Variants in TSPAN9 observed in about 807,000 individuals in gnomAD.
TSPAN9 encodes tetraspanin-9.
A neutral mutation model predicts 31.0 loss-of-function variants in TSPAN9; 16 were observed. The observed-to-expected ratio is 0.52, with a 90% CI of 0.35 to 0.78. The LOEUF (loss-of-function observed/expected upper bound fraction) is 0.78. Ranked by LOEUF, TSPAN9 falls within the 30% of genes least tolerant of loss-of-function variation. The pLI is 0.01. For missense variants in TSPAN9, 272 were observed against 312.5 expected (o/e 0.87, Z 0.98); for synonymous variants, 145 against 121.6 (o/e 1.19, Z -1.27).
intron 3 of TSPAN9, among the ~76,000 whole-genome samples, chr12:3,203,652 A>G (rs892236908): frequency 3.3e-5 from 5 of 152,216 alleles, no homozygotes; most frequent in African/African-American, 1.2e-4. Flanking sequence ...CAGAATTCCC[A>G]TGACATGCTG....
At chr12:3,181,648 C>G (rs532968487) in intron 2 of TSPAN9, among the ~76,000 whole-genome samples, 1 of 152,182 alleles carries the variant, frequency 6.6e-6, no homozygotes, top group East Asian at 1.9e-4. Context: ...GGGCTTTATG[C>G]CCCATGAAGC....
In TSPAN9 at chr12:3,105,819, C is replaced by T. The variant is rs538050779; in HGVS notation, c.-18+22100C>T. Reference sequence around the variant, plus strand: ...ACGCACACATGCGCACACACGCACACGCGCACACACACTTTCATACACACG... The same window carrying T: ...ACGCACACATGCGCACACACGCACATGCGCACACACACTTTCATACACACG... On this transcript the variant is annotated intron_variant, in intron 2 of 8. Transcript: ENST00000011898. Among the ~76,000 whole-genome samples the T allele has an allele frequency of 2.6e-4, 39 of 150,600 alleles. No homozygotes were observed. In the South Asian group the frequency reaches 7.4e-3, roughly 29 times the overall value.
intron 3 of TSPAN9, among the ~76,000 whole-genome samples, chr12:3,207,417 A>G (rs1401953378): frequency 6.6e-6 from 1 of 152,120 alleles, no homozygotes; most frequent in Non-Finnish European, 1.5e-5. Flanking sequence ...CTCTGCTCAC[A>G]TTTGAAAGCT....
At position 3,284,195 on chromosome 12, in the gene TSPAN9, C is replaced by T. The variant is rs1165090448; in HGVS notation, c.*1079C>T. ...CTGCACACCCCAGTTATTTCACAGA[C>T]ATTCCTGCTAGAAACTGTCAGACAA... On this transcript the variant is annotated 3_prime_UTR_variant, in exon 9 of 9. Transcript: ENST00000011898. The T allele has an allele frequency of 6.5e-6, 1 of 152,702 alleles. No individual in the cohort carries two copies. 9.5% of individuals were successfully genotyped at this position (152,702 alleles called of 1,614,324 possible). A position where few individuals can be genotyped will look rare whatever the true frequency, so the allele number is the denominator to read the frequency against.
At chr12:3,136,903 G>A (rs181356794) in intron 2 of TSPAN9, among the ~76,000 whole-genome samples, 1 of 152,336 alleles carries the variant, frequency 6.6e-6, no homozygotes, top group Non-Finnish European at 1.5e-5. Flanking sequence ...CCCCCACTGT[G>A]CACTGTGGAG....
chr12:3,202,321 C>T (rs1404946400), intron 3 of TSPAN9, among the ~76,000 whole-genome samples: 1 of 152,182 alleles, frequency 6.6e-6, no homozygotes, highest in African/African-American at 2.4e-5. Flanking sequence ...CCAGGAGGAG[C>T]ACTGGGGGCA....
chr12:3,202,629 T>TA lies in TSPAN9; in HGVS notation c.63+1374dup, dbSNP rs550336240. Among the ~76,000 whole-genome samples, 6 of 152,212 alleles carry TA rather than the reference T, an allele frequency of 3.9e-5. No homozygotes were observed. In the South Asian group the frequency reaches 1.2e-3, roughly 32 times the overall value. ...CCCTGCTTGTCCTCACGTCACTAGTTACATGCCATCTGGGGTGGGGGCAGG... is the reference window on the plus strand; with the variant it reads ...CCCTGCTTGTCCTCACGTCACTAGTTAACATGCCATCTGGGGTGGGGGCAGG... On this transcript the variant is annotated intron_variant, in intron 3 of 8. Coordinates refer to ENST00000011898, the MANE Select transcript of TSPAN9 (RefSeq NM_006675.5).
chr12:3,255,343 G>T (rs577224540), intron 3 of TSPAN9, among the ~76,000 whole-genome samples: 1 of 152,308 alleles, frequency 6.6e-6, no homozygotes, highest in East Asian at 1.9e-4. Flanking sequence ...GGCTGACCTG[G>T]GTTTGAATCT....
intron 2 of TSPAN9, among the ~76,000 whole-genome samples, chr12:3,142,185 C>A (rs898245833): frequency 6.6e-5 from 10 of 152,166 alleles, no homozygotes; most frequent in Admixed American, 3.3e-4. Context: ...GGTGACGCTG[C>A]TGGGCCCAGA....
chr12:3,168,808 T>C lies in TSPAN9; in HGVS notation c.-17-32369T>C, dbSNP rs2098350084. Among the ~76,000 whole-genome samples, 1 of 152,164 alleles carries C rather than the reference T, an allele frequency of 6.6e-6. No individual in the cohort carries two copies. Among genetic ancestry groups the C allele is most frequent in the South Asian group, 2.1e-4 (1 of 4,834 alleles). ...TGTGTCTCCACCATAAAGTACTCGT[T>C]GAGTAAATGAATGAATCAGATGCGC... On this transcript the variant is annotated intron_variant, in intron 2 of 8. Transcript: ENST00000011898. This position sits in a 1 kb window ranked among gnomAD's most constrained non-coding sequence, Gnocchi z 4.0.
intron 3 of TSPAN9, among the ~76,000 whole-genome samples, chr12:3,271,250 A>G (rs73256343): frequency 0.014 from 2,106 of 152,340 alleles, 54 homozygotes; most frequent in African/African-American, 0.048. Context: ...CCAAGGAATC[A>G]TGCCATCTGG....
intron 2 of TSPAN9, among the ~76,000 whole-genome samples, chr12:3,090,626 C>T (rs1019057928): frequency 9.9e-5 from 15 of 152,244 alleles, no homozygotes; most frequent in African/African-American, 3.6e-4. Context: ...ATGGGACCAG[C>T]AGAACTCCAG....
chr12:3,263,366 A>T (rs114664035), intron 3 of TSPAN9, among the ~76,000 whole-genome samples: 2 of 152,192 alleles, frequency 1.3e-5, no homozygotes, highest in Non-Finnish European at 2.9e-5. Flanking sequence ...GCTTCATGAC[A>T]TCGCTTCGTC....
chr12:3,093,298 C>G (rs1489739177), intron 2 of TSPAN9, among the ~76,000 whole-genome samples: 1 of 152,150 alleles, frequency 6.6e-6, no homozygotes, highest in African/African-American at 2.4e-5. Context: ...CTTTGGGGGC[C>G]AGGCGTGGGG....
chr12:3,104,509 C>T (rs777151738), intron 2 of TSPAN9, among the ~76,000 whole-genome samples: 24 of 152,070 alleles, frequency 1.6e-4, no homozygotes, highest in African/African-American at 4.8e-4. Context: ...TGTACCACCA[C>T]GCCTGGTTAA....
At chr12:3,152,891 C>T (rs1416636435) in intron 2 of TSPAN9, among the ~76,000 whole-genome samples, 1 of 152,216 alleles carries the variant, frequency 6.6e-6, no homozygotes. Flanking sequence ...CCCAGCTGAG[C>T]CCCCTTCTTT....
At chr12:3,218,147 C>A (rs2098382337) in intron 3 of TSPAN9, among the ~76,000 whole-genome samples, 1 of 152,052 alleles carries the variant, frequency 6.6e-6, no homozygotes, top group Admixed American at 6.5e-5. Flanking sequence ...TGCTCAGCCC[C>A]CATTTTTTCT....
At chr12:3,080,099 A>G (rs1215391800) in intron 1 of TSPAN9, among the ~76,000 whole-genome samples, 3 of 151,844 alleles carry the variant, frequency 2.0e-5, no homozygotes, top group Admixed American at 1.3e-4. Flanking sequence ...CCTTTCCTCT[A>G]TGTTGAGCCT....
At chr12:3,162,535 G>C (rs1296415222) in intron 2 of TSPAN9, among the ~76,000 whole-genome samples, 1 of 152,036 alleles carries the variant, frequency 6.6e-6, no homozygotes, top group South Asian at 2.1e-4. Context: ...GGGCCCCTAG[G>C]TCCAGCTGAT....
Sources: gnomAD v4.1 joint callset for allele counts (sites outside exome capture counted in the v4.1 genomes callset) on GRCh38, gnomAD v4.1.1 for gene constraint, Gnocchi (gnomAD v3.1) non-coding constraint, MANE v1.5 for transcripts, NCBI Gene and HGNC (gene_info 2026-07-23, HGNC 2026-07-21) for gene names.